CPXM2: variants seen among roughly 807,000 people sequenced by gnomAD.
CPXM2 encodes the protein carboxypeptidase X, M14 family member 2.
CPXM2 carries 66 observed loss-of-function variants against 86.1 expected under a neutral mutation model. That is an observed-to-expected ratio of 0.77 (90% confidence interval 0.63 to 0.94). The LOEUF (loss-of-function observed/expected upper bound fraction) is 0.94. Among genes scored for constraint, CPXM2 ranks in the 40% least tolerant of loss-of-function variants. CPXM2 has a pLI of 0.00. For missense variants in CPXM2, 948 were observed against 1,026.3 expected, an observed-to-expected ratio of 0.92 and a Z score of 1.04; for synonymous variants, 388 against 400.2, an observed-to-expected ratio of 0.97 and a Z score of 0.36.
In CPXM2 at chr10:123,879,340, T is replaced by C. The variant is rs531758058; in HGVS notation, c.403+871A>G. Among the ~76,000 whole-genome samples, 3 of 152,344 alleles carry C rather than the reference T, an allele frequency of 2.0e-5. No homozygotes were observed. The East Asian group carries it at 5.8e-4, about 29-fold the overall frequency. ...CAAAGTTGTGAAATGCATCATTTAT[T>C]TTAAGCTAACCAAAAAGTCTAGAAT... On this transcript the variant is annotated intron_variant, in intron 2 of 13. Transcript: ENST00000241305.
intron 2 of CPXM2, among the ~76,000 whole-genome samples, chr10:123,936,801 G>C (rs1296447318): frequency 6.6e-6 from 1 of 152,026 alleles, no homozygotes; most frequent in Non-Finnish European, 1.5e-5. Flanking sequence ...CCCCTTCCAG[G>C]CTCTGGCCTG....
At chr10:123,840,230 T>G (rs1848359499) in intron 4 of CPXM2, among the ~76,000 whole-genome samples, 1 of 152,212 alleles carries the variant, frequency 6.6e-6, no homozygotes, top group South Asian at 2.1e-4. Flanking sequence ...ATTCTTGCCT[T>G]TCAGAATATC....
chr10:123,789,330 A>G (rs1488808941), intron 6 of CPXM2, among the ~76,000 whole-genome samples: 1 of 152,080 alleles, frequency 6.6e-6, no homozygotes, highest in Non-Finnish European at 1.5e-5. Context: ...ACTCACTTCC[A>G]TCCCATTTCC....
chr10:123,799,052 T>G (rs1445915537), intron 5 of CPXM2, 63 bp downstream of exon 5: 2 of 1,578,202 alleles, frequency 1.3e-6, no homozygotes, highest in Non-Finnish European at 1.7e-6. Context: ...ATACATTGCC[T>G]CTCTTTGCAA....
intron 6 of CPXM2, among the ~76,000 whole-genome samples, chr10:123,781,515 C>T (rs555980030): frequency 6.6e-6 from 1 of 152,162 alleles, no homozygotes; most frequent in African/African-American, 2.4e-5. Flanking sequence ...GTGTTCAGCG[C>T]TCCCTCCAAT....
intron 4 of CPXM2, among the ~76,000 whole-genome samples, chr10:123,836,830 C>G (rs1848291552): frequency 6.6e-6 from 1 of 152,086 alleles, no homozygotes; most frequent in Non-Finnish European, 1.5e-5. Flanking sequence ...TTCAGCCCCT[C>G]AGGGACCTGC....
chr10:123,816,139 C>T (rs111277805), intron 4 of CPXM2, among the ~76,000 whole-genome samples: 2 of 152,074 alleles, frequency 1.3e-5, no homozygotes, highest in African/African-American at 4.8e-5. Flanking sequence ...CACTTTAGAC[C>T]TACTCATCCC....
At position 123,865,155 on chromosome 10, in the gene CPXM2, G is replaced by T. The variant is rs1362931434; in HGVS notation, c.404-2432C>A. Among the ~76,000 whole-genome samples the T allele has an allele frequency of 1.3e-5, 2 of 152,168 alleles. No individual in the cohort carries two copies. The highest frequency in any genetic ancestry group is 1.9e-4 in the East Asian group (1 of 5,196). On this transcript the variant is annotated intron_variant, in intron 2 of 13. Coordinates refer to ENST00000241305, the MANE Select transcript of CPXM2 (RefSeq NM_198148.3). This position sits in a 1 kb window ranked among gnomAD's most constrained non-coding sequence, Gnocchi z 4.7. ...TGGGGGAGCCCAGATAAACACACACGAACTTGGCCTGCTCGCAAACGTAGT... is the reference window on the plus strand; with the variant it reads ...TGGGGGAGCCCAGATAAACACACACTAACTTGGCCTGCTCGCAAACGTAGT...
In CPXM2 at chr10:123,798,126, T is replaced by C. The variant is rs1189428221; in HGVS notation, c.739A>G (p.Ile247Val). Residue 247 changes from isoleucine to valine, a missense_variant and splice_region_variant, in exon 6 of 14, where the codon ATA (isoleucine) becomes GTA (valine). Ile to Val is a conservative substitution (Grantham distance 29). Transcript: ENST00000241305. ...VTVKNGSGDM[I>V]FEGNSEKEIP... ...TCCTTCTCACTGTTTCCCTCAAATA[T>C]CTATTTATGCTCATGGGAGAAAAGG... 6.2e-7 allele frequency: 1 copy of C among 1,601,140 alleles called. No homozygotes were observed. Among genetic ancestry groups the C allele is most frequent in the Admixed American group, 1.7e-5 (1 of 58,040 alleles).
chr10:123,904,513 A>G (rs1347453462), intron 2 of CPXM2, among the ~76,000 whole-genome samples: 1 of 152,172 alleles, frequency 6.6e-6, no homozygotes, highest in Non-Finnish European at 1.5e-5. Flanking sequence ...TGTTTGGATC[A>G]GGGCCTCGAC....
At chr10:123,804,491 A>G (rs913282613) in intron 4 of CPXM2, among the ~76,000 whole-genome samples, 3 of 151,978 alleles carry the variant, frequency 2.0e-5, no homozygotes, top group African/African-American at 7.3e-5. Flanking sequence ...TTTAAATTTT[A>G]CTTCCTCCTT....
chr10:123,889,850 A>C (rs1448704168), intron 1 of CPXM2, among the ~76,000 whole-genome samples: 4 of 152,038 alleles, frequency 2.6e-5, no homozygotes, highest in Non-Finnish European at 4.4e-5. Flanking sequence ...TGACTGCCAG[A>C]ACCCAACATA....
chr10:123,902,919 C>T (rs539832089), intron 2 of CPXM2, among the ~76,000 whole-genome samples: 8 of 152,340 alleles, frequency 5.3e-5, no homozygotes, highest in Middle Eastern at 3.4e-3. Flanking sequence ...CAAAGGCCAC[C>T]TCCCCACCGT....
At chr10:123,773,880 C>T (rs1846718360) in intron 7 of CPXM2, among the ~76,000 whole-genome samples, 1 of 152,182 alleles carries the variant, frequency 6.6e-6, no homozygotes, top group African/African-American at 2.4e-5. Flanking sequence ...ACCAAGGGCT[C>T]TGCAAGTCAC....
At position 123,912,278 on chromosome 10, in the gene CPXM2, G is replaced by A. The variant is rs73368738; in HGVS notation, n.174+27199C>T. Among the ~76,000 whole-genome samples, 242 of 139,612 alleles carry A rather than the reference G, an allele frequency of 1.7e-3. 2 individuals carry two copies. Among genetic ancestry groups the A allele is most frequent in the African/African-American group, 6.1e-3 (230 of 37,584 alleles). The allele number at this position is 139,612 out of a possible 152,430, so 91.6% of individuals were successfully genotyped here. On this transcript the variant is annotated intron_variant and non_coding_transcript_variant, in intron 2 of 19. Coordinates refer to the CPXM2 transcript ENST00000368854. ...GATGGTCACCCAACACTCCTAGTGC[G>A]TGTGTGTGTGTGAGTGTGCAGATGG...
At chr10:123,806,112 C>A (rs894728754) in intron 4 of CPXM2, among the ~76,000 whole-genome samples, 2 of 152,106 alleles carry the variant, frequency 1.3e-5, no homozygotes, top group Non-Finnish European at 2.9e-5. Context: ...CATCTGAGAT[C>A]ATTTTCTTTC....
chr10:123,766,855 A>G, intron 10 of CPXM2, 118 bp downstream of exon 10: 1 of 786,198 alleles, frequency 1.3e-6, no homozygotes. Context: ...CTTTTGGAGA[A>G]AACATGAAAG....
Position 123,754,758 on chromosome 10 carries a change from T to C in CPXM2, c.1922A>G (p.His641Arg). 1 of 1,591,702 alleles carries C rather than the reference T, an allele frequency of 6.3e-7. No individual in the cohort carries two copies. ...TCTCACCAAGCCTTTAATGCCACGA[T>C]GAACCTGCTCAGCAAACATGAGACA... ...ESLIVFMEQV[H>R]RGIKGLVRDS... The change falls in exon 13 of 14, where the codon CAT becomes CGT. Residue 641 changes from histidine to arginine, a missense_variant. His to Arg is a conservative substitution (Grantham distance 29). Coordinates refer to ENST00000241305, the MANE Select transcript of CPXM2 (RefSeq NM_198148.3). This position sits in a 1 kb window ranked among gnomAD's most constrained non-coding sequence, Gnocchi z 4.0.
Position 123,775,209 on chromosome 10 carries a change from C to T in CPXM2, c.979-4170G>A, listed in dbSNP as rs866832470. ...TGCTGCTTGTTTTATTTGCTGCACA[C>T]TGTGACCATTCTGATGGCCACAGCA... On this transcript the variant is annotated intron_variant, in intron 7 of 13. Transcript: ENST00000241305. 1.9e-4 allele frequency among the ~76,000 whole-genome samples: 29 copies of T among 152,330 alleles called. 1 individual carries two copies. The highest frequency in any genetic ancestry group is 1.5e-3 in the South Asian group (7 of 4,820).
Sources: allele counts gnomAD v4.1 joint callset (sites outside exome capture counted in the v4.1 genomes callset), GRCh38; gene constraint gnomAD v4.1.1; non-coding constraint Gnocchi (gnomAD v3.1); transcripts MANE v1.5; gene names NCBI Gene and HGNC (gene_info 2026-07-23, HGNC 2026-07-21).